Variants in THEMIS2 observed in about 807,000 individuals in gnomAD.
THEMIS2 encodes thymocyte selection associated family member 2.
THEMIS2 carries 29 observed loss-of-function variants against 46.8 expected under a neutral mutation model. That is an observed-to-expected ratio of 0.62 (90% CI 0.46 to 0.84). The LOEUF (loss-of-function observed/expected upper bound fraction) is 0.84, where lower values mean the gene tolerates loss of function less well. Among genes scored for constraint, THEMIS2 ranks in the 40% least tolerant of loss-of-function variants. The pLI, the probability that THEMIS2 is intolerant of heterozygous loss-of-function variation, is 0.00. For synonymous variants in THEMIS2, 335 were observed against 349.1 expected (o/e 0.96, Z 0.45); for missense variants, 698 against 834.7 (o/e 0.84, Z 2.02).
In THEMIS2 at chr1:27,879,889, C is replaced by T; in HGVS notation, c.481C>T (p.Leu161=). 6.2e-7 allele frequency: 1 copy of T among 1,612,880 alleles called. No homozygotes were observed. Among genetic ancestry groups the T allele is most frequent in the Non-Finnish European group, 8.5e-7 (1 of 1,179,378 alleles). The change falls in exon 3 of 6, where the codon CTA becomes TTA. Residue 161 remains leucine (L), a synonymous_variant. Coordinates refer to ENST00000373921, the MANE Select transcript of THEMIS2 (RefSeq NM_001105556.3). ...TCAGCAGGTCATCCTGCACCTGCCC[C>T]TATCCCAGAAGGGGCCCTTCTGGAC... The part of the protein sequence containing the change: ...EGQQVILHLP[L]SQKGPFWTWE...
At chr1:27,883,093 T>C (rs2089714655) in intron 4 of THEMIS2, 50 bp downstream of exon 4, 2 of 1,460,428 alleles carry the variant, frequency 1.4e-6, no homozygotes, top group Non-Finnish European at 1.9e-6. Flanking sequence ...TTGGGATCAC[T>C]GCTTCTTTGT....
chr1:27,880,254 T>C (rs1420299491), intron 3 of THEMIS2, among the ~76,000 whole-genome samples, 200 bp downstream of exon 3: 1 of 152,188 alleles, frequency 6.6e-6, no homozygotes, highest in African/African-American at 2.4e-5. Context: ...TGGAGTGCAA[T>C]GGTGTGATCT....
At position 27,882,362 on chromosome 1, in the gene THEMIS2, A is replaced by G. The variant is rs2089697215; in HGVS notation, c.1038A>G (p.Pro346=). Residue 346 remains proline, a synonymous_variant, in exon 4 of 6, where the codon CCA becomes CCG. Transcript: ENST00000373921. This position sits in a 1 kb window ranked among gnomAD's most constrained non-coding sequence, Gnocchi z 7.6. ...TAGGTGCTTTCCAGCCAGGCCGGCC[A>G]CTCCGGGTGGTGGCCACAAAGGACT... ...DLLGAFQPGR[P]LRVVATKDCE... is the part of the protein sequence containing the mutation. 1.3e-6 allele frequency: 2 copies of G among 1,585,188 alleles called. No individual in the cohort carries two copies. The highest frequency in any genetic ancestry group is 2.3e-5 in the East Asian group (1 of 44,432).
chr1:27,872,676 GCTGGAACCC>G lies in THEMIS2; in HGVS notation c.94+14_94+22del. ...GGGTCTACTTCGAGGGTGAGCGGGG[GCTGGAACCC>G]CTCCGAGCACTCCCTTGGTGTGGGG... On this transcript the variant is annotated intron_variant, in intron 1 of 5. Coordinates refer to ENST00000373921, the MANE Select transcript of THEMIS2 (RefSeq NM_001105556.3). This position sits in a 1 kb window ranked among gnomAD's most constrained non-coding sequence, Gnocchi z 4.9. The G allele has an allele frequency of 7.4e-7, 1 of 1,359,766 alleles. No homozygotes were observed. The highest frequency in any genetic ancestry group is 1.6e-5 in the South Asian group (1 of 61,028). The allele number at this position is 1,359,766 out of a possible 1,614,324, so 84.2% of individuals were successfully genotyped here. A position where few individuals can be genotyped will look rare whatever the true frequency, so the allele number is the denominator to read the frequency against.
chr1:27,882,191 T>C lies in THEMIS2; in HGVS notation c.867T>C (p.Leu289=), dbSNP rs772962265. ...GCTCCTTGCAAAAAGGCCAGAGGCT[T>C]TGCGTCTATGGCCTAGCCTCACCAC... The part of the protein sequence containing the change: ...WVGSLQKGQR[L]CVYGLASPPW... The change falls in exon 4 of 6, where the codon CTT becomes CTC. Residue 289 remains leucine, a synonymous_variant. Transcript: ENST00000373921. The surrounding 1 kb of genome is among the most constrained non-coding windows in gnomAD (Gnocchi z 7.6). 13 of 1,613,684 alleles carry C rather than the reference T, an allele frequency of 8.1e-6. No homozygotes were observed. The highest frequency in any genetic ancestry group is 1.1e-5 in the Non-Finnish European group (13 of 1,179,858).
chr1:27,876,660 G>A lies in THEMIS2; in HGVS notation c.167G>A (p.Arg56His), dbSNP rs373885446. The A allele has an allele frequency of 2.2e-5, 35 of 1,613,898 alleles. No individual in the cohort carries two copies. In the Middle Eastern group the frequency reaches 4.9e-4, roughly 23 times the overall value. ...GACCTGATCAAGGTCACCCAGGTCC[G>A]CCTCCAGAAGGTGGTCTGTGAGAAC... is the stretch of plus-strand genomic sequence containing the variant. ...TGDLIKVTQVRLQKVVCENPK... is the reference protein window; with the variant it reads ...TGDLIKVTQVHLQKVVCENPK... Residue 56 changes from arginine to histidine, a missense_variant, in exon 2 of 6, where the codon CGC (arginine) becomes CAC (histidine). Coordinates refer to ENST00000373921, the MANE Select transcript of THEMIS2 (RefSeq NM_001105556.3).
In THEMIS2 at chr1:27,879,747, G is replaced by T; in HGVS notation, c.339G>T (p.Ser113=). The change falls in exon 3 of 6, where the codon TCG becomes TCT. Residue 113 remains serine (S), a synonymous_variant. Coordinates refer to ENST00000373921, the MANE Select transcript of THEMIS2 (RefSeq NM_001105556.3). ...SSKQLPTCFM[S]THRIVTEGRV... Reference sequence around the variant, plus strand: ...AGCAGCTGCCCACTTGCTTCATGTCGACCCACAGGATTGTCACAGAGGGCA... The same window carrying T: ...AGCAGCTGCCCACTTGCTTCATGTCTACCCACAGGATTGTCACAGAGGGCA... 2 of 1,614,012 alleles carry T rather than the reference G, an allele frequency of 1.2e-6. No homozygotes were observed. Among genetic ancestry groups the T allele is most frequent in the Non-Finnish European group, 1.7e-6 (2 of 1,179,998 alleles).
rs1418806567 is a variant in THEMIS2 at position 27,886,658 on chromosome 1, G to A, written c.*736G>A. 6.6e-6 allele frequency: 1 copy of A among 152,200 alleles called. No individual in the cohort carries two copies. Among genetic ancestry groups the A allele is most frequent in the Admixed American group, 6.5e-5 (1 of 15,272 alleles). The allele number at this position is 152,200 out of a possible 1,614,324, so 9.4% of individuals were successfully genotyped here. On this transcript the variant is annotated 3_prime_UTR_variant, in exon 6 of 6. Transcript: ENST00000373921. ...CATTTTAAAACCATAGAATAAAAAT[G>A]ACACCTGAGCTTCTCTATGAATGAG...
At position 27,882,454 on chromosome 1, in the gene THEMIS2, T is replaced by G; in HGVS notation, c.1130T>G (p.Leu377Arg). The change falls in exon 4 of 6, where the codon CTG (leucine) becomes CGG (arginine). Residue 377 changes from leucine (L) to arginine (R), a missense_variant. Physicochemically the swap from Leu to Arg is moderately radical, Grantham distance 102. Coordinates refer to ENST00000373921, the MANE Select transcript of THEMIS2 (RefSeq NM_001105556.3). This position sits in a 1 kb window ranked among gnomAD's most constrained non-coding sequence, Gnocchi z 7.6. The stretch of plus-strand genomic sequence containing the variant: ...GCTGTGGGTGACCGGCTGGAGGTGC[T>G]GGGGCCTGGCCAGGCCCATGGGGCC... Reference protein sequence around the residue: ...SLAVGDRLEVLGPGQAHGAQG... With the variant: ...SLAVGDRLEVRGPGQAHGAQG... The G allele has an allele frequency of 6.2e-7, 1 of 1,612,584 alleles. No homozygotes were observed. The highest frequency in any genetic ancestry group is 8.5e-7 in the Non-Finnish European group (1 of 1,178,888).
chr1:27,879,769 G>T lies in THEMIS2; in HGVS notation c.361G>T (p.Gly121Cys), dbSNP rs757255562. 3 of 1,614,118 alleles carry T rather than the reference G, an allele frequency of 1.9e-6. No homozygotes were observed. The highest frequency in any genetic ancestry group is 2.5e-6 in the Non-Finnish European group (3 of 1,180,012). Residue 121 changes from glycine (G) to cysteine (C), a missense_variant, in exon 3 of 6, where the codon GGC (glycine) becomes TGC (cysteine). Coordinates refer to ENST00000373921, the MANE Select transcript of THEMIS2 (RefSeq NM_001105556.3). ...GTCGACCCACAGGATTGTCACAGAG[G>T]GCAGGGTGGTGACTGAGGACCAGCT... ...FMSTHRIVTE[G>C]RVVTEDQLLM...
In THEMIS2 at chr1:27,882,667, A is replaced by G; in HGVS notation, c.1343A>G (p.Gln448Arg). The change falls in exon 4 of 6, where the codon CAG becomes CGG. Residue 448 changes from glutamine to arginine, a missense_variant. Transcript: ENST00000373921. The surrounding 1 kb of genome is among the most constrained non-coding windows in gnomAD (Gnocchi z 7.6). ...RRYSLADLTA[Q>R]FSLPCEVKVV... ...TACAGCCTGGCAGATCTGACTGCCC[A>G]GTTTTCACTGCCTTGTGAGGTCAAG... is the stretch of plus-strand genomic sequence containing the variant. 1 of 1,614,116 alleles carries G rather than the reference A, an allele frequency of 6.2e-7. No individual in the cohort carries two copies. Among genetic ancestry groups the G allele is most frequent in the Non-Finnish European group, 8.5e-7 (1 of 1,180,028 alleles).
intron 2 of THEMIS2, among the ~76,000 whole-genome samples, chr1:27,877,600 T>A (rs2089605177): frequency 6.6e-6 from 1 of 152,114 alleles, no homozygotes; most frequent in South Asian, 2.1e-4. Flanking sequence ...GTGCTGGGAT[T>A]ACAGGCATGA....
chr1:27,885,916 C>T lies in THEMIS2; in HGVS notation c.1926C>T (p.Thr642=). The T allele has an allele frequency of 1.2e-6, 2 of 1,613,886 alleles. No homozygotes were observed. The highest frequency in any genetic ancestry group is 2.2e-5 in the South Asian group (2 of 91,076). Residue 642 remains threonine, a synonymous_variant, in exon 6 of 6, where the codon ACC becomes ACT. Coordinates refer to ENST00000373921, the MANE Select transcript of THEMIS2 (RefSeq NM_001105556.3). The part of the protein sequence containing the change: ...YEEILEQFQK[T]I ...AAATACTTGAGCAATTTCAGAAAACCATCTAAGTGCTGGAGGAACCACGCT... is the reference window on the plus strand; with the variant it reads ...AAATACTTGAGCAATTTCAGAAAACTATCTAAGTGCTGGAGGAACCACGCT...
In THEMIS2 at chr1:27,872,606, C is replaced by G; in HGVS notation, c.35C>G (p.Ala12Gly). ...GTGCCGCTGCAGGACTTCGTGCGCGCCTTGGACCCCGCCTCCCTCCCGCGC... is the reference window on the plus strand; with the variant it reads ...GTGCCGCTGCAGGACTTCGTGCGCGGCTTGGACCCCGCCTCCCTCCCGCGC... ...EPVPLQDFVR[A>G]LDPASLPRVL... Residue 12 changes from alanine to glycine, a missense_variant, in exon 1 of 6, where the codon GCC becomes GGC. Coordinates refer to ENST00000373921, the MANE Select transcript of THEMIS2 (RefSeq NM_001105556.3). This position sits in a 1 kb window ranked among gnomAD's most constrained non-coding sequence, Gnocchi z 4.9. 3 of 1,484,310 alleles carry G rather than the reference C, an allele frequency of 2.0e-6. No homozygotes were observed. The highest frequency in any genetic ancestry group is 2.7e-6 in the Non-Finnish European group (3 of 1,118,414). 91.9% of individuals were successfully genotyped at this position (1,484,310 alleles called of 1,614,324 possible). A position where few individuals can be genotyped will look rare whatever the true frequency, so the allele number is the denominator to read the frequency against.
chr1:27,884,519 C>T (rs1166912486), intron 4 of THEMIS2: 1 of 152,294 alleles, frequency 6.6e-6, no homozygotes, highest in Middle Eastern at 3.2e-3. Context: ...ATCCGAAACA[C>T]AGGCCTTGTG....
chr1:27,880,061 TG>T lies in THEMIS2; in HGVS notation c.646+8del. The T allele has an allele frequency of 8.2e-6, 13 of 1,585,964 alleles. No homozygotes were observed. The highest frequency in any genetic ancestry group is 1.0e-5 in the Non-Finnish European group (12 of 1,159,242). On this transcript the variant is annotated splice_region_variant and intron_variant, in intron 3 of 5. Transcript: ENST00000373921. ...ATCCAAGCCATCATGCACAGTGAGT[TG>T]CCTGGGCAGATGGATGCGCGCTGCT...
At position 27,882,967 on chromosome 1, in the gene THEMIS2, A is replaced by G; in HGVS notation, c.1643A>G (p.Gln548Arg). The G allele has an allele frequency of 6.2e-7, 1 of 1,613,686 alleles. No individual in the cohort carries two copies. The highest frequency in any genetic ancestry group is 8.5e-7 in the Non-Finnish European group (1 of 1,179,912). ...RLRKLPACEI[Q>R]APPPRPPKNQ... ...CGGAAGTTACCAGCCTGTGAGATCC[A>G]AGCCCCCCCACCCAGGCCCCCTAAA... is the stretch of plus-strand genomic sequence containing the variant. Residue 548 changes from glutamine to arginine, a missense_variant, in exon 4 of 6, where the codon CAA (glutamine) becomes CGA (arginine). By Grantham distance (43) the Gln-to-Arg change is conservative (BLOSUM62 1). Coordinates refer to ENST00000373921, the MANE Select transcript of THEMIS2 (RefSeq NM_001105556.3). The surrounding 1 kb of genome is among the most constrained non-coding windows in gnomAD (Gnocchi z 7.6).
intron 3 of THEMIS2, 53 bp from the exon 4 acceptor site, chr1:27,881,917 TG>T (rs2089685159): frequency 1.4e-6 from 2 of 1,442,852 alleles, no homozygotes; most frequent in Admixed American, 1.9e-5. Flanking sequence ...ATGCCTGGGG[TG>T]GGGGCCACTC....
At chr1:27,877,543 G>A (rs2089603443) in intron 2 of THEMIS2, among the ~76,000 whole-genome samples, 1 of 152,082 alleles carries the variant, frequency 6.6e-6, no homozygotes, top group Non-Finnish European at 1.5e-5. Flanking sequence ...TAACCAGGAT[G>A]ATCTCGATCT....
Sources: allele counts gnomAD v4.1 joint callset (sites outside exome capture counted in the v4.1 genomes callset), GRCh38; gene constraint gnomAD v4.1.1; non-coding constraint Gnocchi (gnomAD v3.1); transcripts MANE v1.5; gene names NCBI Gene and HGNC (gene_info 2026-07-23, HGNC 2026-07-21).